Variants in EQTN observed in about 807,000 individuals in gnomAD.
EQTN encodes Acrosome formation associated factor.
In EQTN, 29 loss-of-function variants were observed where a neutral mutation model predicts 26.9. The observed-to-expected ratio is 1.08, with a 90% confidence interval of 0.80 to 1.47. The LOEUF (loss-of-function observed/expected upper bound fraction) is 1.47. Ranked by LOEUF, EQTN falls within the 40% of genes most tolerant of loss-of-function variation. EQTN has a pLI of 0.00. For missense variants in EQTN, 391 were observed against 346.1 expected, an observed-to-expected ratio of 1.13 and a Z score of -1.03; for synonymous variants, 129 against 120.0, an observed-to-expected ratio of 1.07 and a Z score of -0.49.
intron 6 of EQTN, 44 bp downstream of exon 6, chr9:27,289,628 G>T (rs893823672): frequency 6.6e-7 from 1 of 1,522,794 alleles, no homozygotes. Context: ...GGGATTATAG[G>T]CATTAGCCAC....
At chr9:27,296,541 A>T in intron 2 of EQTN, 72 bp downstream of exon 2, 4 of 1,101,778 alleles carry the variant, frequency 3.6e-6, no homozygotes, top group Non-Finnish European at 5.2e-6. Flanking sequence ...ATGGAAATTT[A>T]AAAAGGACAC....
At chr9:27,285,286 G>C (rs1255472341) in intron 7 of EQTN, among the ~76,000 whole-genome samples, 1 of 151,782 alleles carries the variant, frequency 6.6e-6, no homozygotes, top group Non-Finnish European at 1.5e-5. Context: ...TGGGACTACA[G>C]GCATGCGCCA....
rs145333741 is a variant in EQTN at position 27,286,067 on chromosome 9, C to T, written c.635+142G>A. On this transcript the variant is annotated intron_variant, in intron 7 of 7. Transcript: ENST00000380032. ...CTTAAAGACAGTCCCGTGCTCCATCCGAATAGGGTAAATGGAATCAATTTG... is the reference window on the plus strand; with the variant it reads ...CTTAAAGACAGTCCCGTGCTCCATCTGAATAGGGTAAATGGAATCAATTTG... 587 of 836,820 alleles carry T rather than the reference C, an allele frequency of 7.0e-4. 6 individuals carry two copies. The East Asian group carries it at 0.011, about 16-fold the overall frequency. 51.8% of individuals were successfully genotyped at this position (836,820 alleles called of 1,614,324 possible).
At chr9:27,294,519 G>T in intron 2 of EQTN, 117 bp from the exon 3 acceptor site, 3 of 446,130 alleles carry the variant, frequency 6.7e-6, no homozygotes, top group Non-Finnish European at 3.8e-6. Context: ...AATTAAAAAA[G>T]TTATAGTCAT....
rs573800959 is a variant in EQTN at position 27,294,390 on chromosome 9, G to A, written c.215C>T (p.Thr72Ile). 4 of 1,597,580 alleles carry A rather than the reference G, an allele frequency of 2.5e-6. No homozygotes were observed. The highest frequency in any genetic ancestry group is 1.7e-5 in the Admixed American group (1 of 59,590). Residue 72 changes from threonine to isoleucine, a missense_variant, in exon 3 of 8, where the codon ACA becomes ATA. Coordinates refer to ENST00000380032, the MANE Select transcript of EQTN (RefSeq NM_020641.3). ...AGACTCAGTGCCATTTGGATTTTGT[G>A]TTGTGAACACATCTAAAAACAAAAG... Reference protein sequence around the residue: ...YKDIKQYVFTTQNPNGTESEI... With the variant: ...YKDIKQYVFTIQNPNGTESEI...
In EQTN at chr9:27,285,133, C is replaced by CTT. The variant is rs201723057; in HGVS notation, c.636-163_636-162dup. Among the ~76,000 whole-genome samples the CTT allele has an allele frequency of 7.6e-3, 588 of 77,098 alleles. 59 individuals carry two copies. Among genetic ancestry groups the CTT allele is most frequent in the African/African-American group, 9.9e-3 (173 of 17,540 alleles). The allele number at this position is 77,098 out of a possible 152,430, so 50.6% of individuals were successfully genotyped here. A position where few individuals can be genotyped will look rare whatever the true frequency, so the allele number is the denominator to read the frequency against. ...GATATATAGTTTTTCTTTTCTTTTC[C>CTT]TTTTTTTTTTTTTTTTTTTTTTTTT... is the stretch of plus-strand genomic sequence containing the variant. On this transcript the variant is annotated intron_variant, in intron 7 of 7. Coordinates refer to ENST00000380032, the MANE Select transcript of EQTN (RefSeq NM_020641.3).
Position 27,296,741 on chromosome 9 carries a change from A to G in EQTN, c.77-3T>C, listed in dbSNP as rs766503540. 5.7e-6 allele frequency: 9 copies of G among 1,580,188 alleles called. No individual in the cohort carries two copies. The Admixed American group carries it at 1.7e-4, about 29-fold the overall frequency. ...TAAAGGTAGCACATTAGGCAATGCTAAAAAAAAGTATCACACACCATAGAT... is the reference window on the plus strand; with the variant it reads ...TAAAGGTAGCACATTAGGCAATGCTGAAAAAAAGTATCACACACCATAGAT... On this transcript the variant is annotated splice_region_variant and splice_polypyrimidine_tract_variant and intron_variant, in intron 1 of 7. Transcript: ENST00000380032.
At chr9:27,293,028 G>A (rs1820268620) in intron 3 of EQTN, among the ~76,000 whole-genome samples, 1 of 152,154 alleles carries the variant, frequency 6.6e-6, no homozygotes, top group East Asian at 1.9e-4. Flanking sequence ...ATGTCACTAA[G>A]GGAGTGTTTG....
chr9:27,297,126 G>A lies in EQTN; in HGVS notation c.-71C>T. On this transcript the variant is annotated 5_prime_UTR_variant, in exon 1 of 8. Coordinates refer to ENST00000380032, the MANE Select transcript of EQTN (RefSeq NM_020641.3). ...GAGCCTCCTTTCTGTGGCCCAGCAGGTCCTGTGTCTAACTAGGACATTATG... is the reference window on the plus strand; with the variant it reads ...GAGCCTCCTTTCTGTGGCCCAGCAGATCCTGTGTCTAACTAGGACATTATG... 9.4e-7 allele frequency: 1 copy of A among 1,068,368 alleles called. No homozygotes were observed. Among genetic ancestry groups the A allele is most frequent in the Admixed American group, 2.3e-5 (1 of 43,922 alleles). The allele number at this position is 1,068,368 out of a possible 1,614,324, so 66.2% of individuals were successfully genotyped here. A position where few individuals can be genotyped will look rare whatever the true frequency, so the allele number is the denominator to read the frequency against.
intron 3 of EQTN, among the ~76,000 whole-genome samples, chr9:27,293,128 A>G (rs1466617146): frequency 6.6e-6 from 1 of 152,134 alleles, no homozygotes; most frequent in African/African-American, 2.4e-5. Flanking sequence ...TTCCATACGG[A>G]GTACAGGGCA....
chr9:27,297,065 G>C lies in EQTN; in HGVS notation c.-10C>G, dbSNP rs781044891. The C allele has an allele frequency of 6.3e-6, 10 of 1,590,398 alleles. No individual in the cohort carries two copies. The highest frequency in any genetic ancestry group is 8.6e-6 in the Non-Finnish European group (10 of 1,161,646). ...ACAATATAAAATTCATTGGGAAATTGAAGTGATTTATCCAGTAATCTAGTG... is the reference window on the plus strand; with the variant it reads ...ACAATATAAAATTCATTGGGAAATTCAAGTGATTTATCCAGTAATCTAGTG... On this transcript the variant is annotated 5_prime_UTR_variant, in exon 1 of 8. Coordinates refer to ENST00000380032, the MANE Select transcript of EQTN (RefSeq NM_020641.3).
At chr9:27,291,199 G>A in intron 4 of EQTN, 136 bp from the exon 5 acceptor site, 2 of 682,526 alleles carry the variant, frequency 2.9e-6, no homozygotes, top group South Asian at 4.3e-5. Context: ...CAGACCTGTG[G>A]TTGGCACTAA....
chr9:27,292,367 T>C, intron 4 of EQTN, 34 bp downstream of exon 4: 2 of 1,379,596 alleles, frequency 1.4e-6, no homozygotes, highest in South Asian at 1.3e-5. Flanking sequence ...AATGATATTC[T>C]CCAGGTATGA....
chr9:27,284,706 C>T lies in EQTN; in HGVS notation c.*17G>A, dbSNP rs746745278. ...TTATTCATCAATAAGATTTCTTCAC[C>T]GGGTTCCTTGATTTCTTCACCGGGT... On this transcript the variant is annotated 3_prime_UTR_variant, in exon 8 of 8. Coordinates refer to ENST00000380032, the MANE Select transcript of EQTN (RefSeq NM_020641.3). The T allele has an allele frequency of 1.3e-5, 21 of 1,600,888 alleles. No homozygotes were observed. In the South Asian group the frequency reaches 1.7e-4, roughly 13 times the overall value.
chr9:27,296,547 G>A, intron 2 of EQTN, 66 bp downstream of exon 2: 1 of 1,132,874 alleles, frequency 8.8e-7, no homozygotes, highest in Non-Finnish European at 1.2e-6. Flanking sequence ...ATTTAAAAAG[G>A]ACACTTAAGT....
chr9:27,286,341 T>C lies in EQTN; in HGVS notation c.503A>G (p.Gln168Arg). The stretch of plus-strand genomic sequence containing the variant: ...CTCTAGATCTGGCTGATTTTCTCCC[T>C]GTGTAGCATTCACATCAGACTCTGA... Reference protein sequence around the residue: ...PIPESDVNATQGENQPDLEDL... With the variant: ...PIPESDVNATRGENQPDLEDL... The change falls in exon 7 of 8, where the codon CAG becomes CGG. Residue 168 changes from glutamine to arginine, a missense_variant. By Grantham distance (43) the Gln-to-Arg change is conservative (BLOSUM62 1). Coordinates refer to ENST00000380032, the MANE Select transcript of EQTN (RefSeq NM_020641.3). The C allele has an allele frequency of 6.3e-7, 1 of 1,598,264 alleles. No individual in the cohort carries two copies. The highest frequency in any genetic ancestry group is 8.5e-7 in the Non-Finnish European group (1 of 1,171,544).
chr9:27,291,330 G>A (rs562421473), intron 4 of EQTN, among the ~76,000 whole-genome samples: 24 of 152,320 alleles, frequency 1.6e-4, no homozygotes, highest in African/African-American at 5.5e-4. Context: ...GAAATGCACA[G>A]GTGGTATGCA....
chr9:27,292,408 A>G lies in EQTN; in HGVS notation c.369T>C (p.Asn123=), dbSNP rs1401533027. ...GTGTAGTAATTTAAATACTTTGAAT[A>G]TTTTTATGAGAGGGTTCGCTAGTAG... ...ETTTSEPSHK[N]IQRSTPNVPA... is the part of the protein sequence containing the mutation. The change falls in exon 4 of 8, where the codon AAT becomes AAC. Residue 123 remains asparagine, a synonymous_variant. Coordinates refer to ENST00000380032, the MANE Select transcript of EQTN (RefSeq NM_020641.3). 2 of 1,596,584 alleles carry G rather than the reference A, an allele frequency of 1.3e-6. No individual in the cohort carries two copies. The highest frequency in any genetic ancestry group is 4.5e-5 in the East Asian group (2 of 44,552).
rs546185438 is a variant in EQTN, at chr9:27,291,311, G to A, written c.377-248C>T. On this transcript the variant is annotated intron_variant, in intron 4 of 7. Transcript: ENST00000380032. ...CTGCTTATGTAGCAGATTAATGAAG[G>A]CGTTAATGGAAATGCACAGGTGGTA... 2.0e-5 allele frequency among the ~76,000 whole-genome samples: 3 copies of A among 152,314 alleles called. No homozygotes were observed. In the South Asian group the frequency reaches 6.2e-4, roughly 32 times the overall value.
Sources: gnomAD v4.1 joint callset for allele counts (sites outside exome capture counted in the v4.1 genomes callset) on GRCh38, gnomAD v4.1.1 for gene constraint, MANE v1.5 for transcripts, NCBI Gene and HGNC (gene_info 2026-07-23, HGNC 2026-07-21) for gene names.